Variants in RPS24 observed in about 807,000 individuals in gnomAD.
RPS24 encodes the protein small ribosomal subunit protein eS24.
For synonymous variants in RPS24, 72 were observed against 55.6 expected (o/e 1.30, Z -1.31); for missense variants, 100 against 162.5 (o/e 0.62, Z 2.09).
intron 4 of RPS24, among the ~76,000 whole-genome samples, chr10:78,046,309 G>C (rs926671048): frequency 1.3e-5 from 2 of 150,468 alleles, no homozygotes; most frequent in African/African-American, 4.9e-5. Context: ...CATGTGCCAG[G>C]TACTGAGCTA....
downstream of RPS24, among the ~76,000 whole-genome samples, chr10:78,041,632 C>G (rs1195433300): frequency 1.3e-5 from 2 of 152,066 alleles, no homozygotes; most frequent in African/African-American, 4.8e-5. Context: ...GATGCAGTTT[C>G]CTGTGACTGA....
intron 4 of RPS24, among the ~76,000 whole-genome samples, chr10:78,047,354 CAG>C (rs1204795420): frequency 6.6e-6 from 1 of 152,106 alleles, no homozygotes; most frequent in Non-Finnish European, 1.5e-5. Context: ...GAGGATATTC[CAG>C]AGGGGGACAG....
chr10:78,054,719 C>T (rs575263273), exon 5 of RPS24: 27 of 1,551,624 alleles, frequency 1.7e-5, no homozygotes, highest in East Asian at 1.2e-4. Context: ...TACAGGTGGC[C>T]GTTACCTGGA....
chr10:78,037,743 C>T (rs1847904063), intron 4 of RPS24: 1 of 350,470 alleles, frequency 2.9e-6, no homozygotes, highest in Non-Finnish European at 5.4e-6. Context: ...ACTGAGATCT[C>T]AGGATTGCTT....
At chr10:78,045,953 G>C (rs1308426986) in intron 4 of RPS24, among the ~76,000 whole-genome samples, 2 of 152,118 alleles carry the variant, frequency 1.3e-5, no homozygotes, top group Non-Finnish European at 2.9e-5. Flanking sequence ...AGTGAGCCGA[G>C]ACCATGCCAC....
intron 4 of RPS24, among the ~76,000 whole-genome samples, chr10:78,048,633 T>C (rs1848068641): frequency 6.6e-6 from 1 of 151,434 alleles, no homozygotes; most frequent in African/African-American, 2.4e-5. Flanking sequence ...TGTAATCACG[T>C]TGGGAGGCCA....
At chr10:78,034,079 G>T in intron 1 of RPS24, 175 bp downstream of exon 1, 1 of 784,284 alleles carries the variant, frequency 1.3e-6, no homozygotes, top group Non-Finnish European at 2.2e-6. Flanking sequence ...CCGGGCTGGC[G>T]GGCTGCGCTG....
At chr10:78,045,525 A>T (rs952371429), downstream of RPS24, among the ~76,000 whole-genome samples, 4 of 151,684 alleles carry the variant, frequency 2.6e-5, no homozygotes, top group African/African-American at 9.7e-5. Flanking sequence ...TTTGTCACCC[A>T]GGCTGGGGTG....
intron 4 of RPS24, among the ~76,000 whole-genome samples, chr10:78,047,454 G>C (rs1848056708): frequency 6.6e-6 from 1 of 152,158 alleles, no homozygotes; most frequent in Non-Finnish European, 1.5e-5. Flanking sequence ...GCACTATGCA[G>C]ACTCCCACAA....
At chr10:78,047,849 T>C (rs1212940710) in intron 4 of RPS24, among the ~76,000 whole-genome samples, 3 of 152,238 alleles carry the variant, frequency 2.0e-5, no homozygotes, top group African/African-American at 7.2e-5. Context: ...CCTACAGTGC[T>C]ATGCCTCTGT....
At chr10:78,042,435 T>G (rs1847996171), downstream of RPS24, among the ~76,000 whole-genome samples, 1 of 152,188 alleles carries the variant, frequency 6.6e-6, no homozygotes, top group Admixed American at 6.5e-5. Context: ...ATTTTGAGGC[T>G]GAGGATGTAA....
rs749906365 is a variant in RPS24 at position 78,049,823 on chromosome 10, C to T, written c.391-4708C>T. Among the ~76,000 whole-genome samples, 12 of 152,300 alleles carry T rather than the reference C, an allele frequency of 7.9e-5. No individual in the cohort carries two copies. In the East Asian group the frequency reaches 9.7e-4, roughly 12 times the overall value. On this transcript the variant is annotated intron_variant, in intron 4 of 4. Coordinates refer to the RPS24 transcript ENST00000440692. ...TGTGTTTTTTCTGCTCCTCTTCCAT[C>T]GGCTGGGACTTAGTCTCCTGCAACA...
intron 4 of RPS24, among the ~76,000 whole-genome samples, chr10:78,046,756 A>G (rs1294022450): frequency 6.6e-6 from 1 of 152,214 alleles, no homozygotes; most frequent in Admixed American, 6.5e-5. Context: ...TTACACAACT[A>G]TGGCATCCTA....
In RPS24 at chr10:78,035,441, T is replaced by G. The variant is rs750625648; in HGVS notation, c.69+24T>G. ...TGGTAAGGAAGGGCACATCAATCTT[T>G]GCTTAATTGTCCTTTACTCTAAAGA... On this transcript the variant is annotated intron_variant, in intron 2 of 5. Transcript: ENST00000372360. The G allele has an allele frequency of 3.1e-6, 5 of 1,613,530 alleles. No homozygotes were observed. In the African/African-American group the frequency reaches 4.0e-5, roughly 13 times the overall value.
At chr10:78,046,920 C>T (rs1848049089) in intron 4 of RPS24, among the ~76,000 whole-genome samples, 1 of 151,976 alleles carries the variant, frequency 6.6e-6, no homozygotes, top group Admixed American at 6.5e-5. Context: ...GCTAGAAATT[C>T]AATTTCTTGG....
chr10:78,051,024 CTACT>C (rs1207261020), intron 4 of RPS24, among the ~76,000 whole-genome samples: 5 of 152,146 alleles, frequency 3.3e-5, no homozygotes, highest in Non-Finnish European at 7.3e-5. Context: ...AACCCTGTCT[CTACT>C]AAAAATAAAA....
At chr10:78,043,881 C>T (rs1246574402), downstream of RPS24, among the ~76,000 whole-genome samples, 5 of 152,024 alleles carry the variant, frequency 3.3e-5, no homozygotes, top group Non-Finnish European at 7.4e-5. Flanking sequence ...CTGGGATCAC[C>T]CAAAAGTGAT....
intron 5 of RPS24, 159 bp from the exon 6 acceptor site, chr10:78,040,452 TTTTA>T (rs779912313): frequency 2.7e-6 from 2 of 730,178 alleles, no homozygotes; most frequent in Non-Finnish European, 4.7e-6. Context: ...TGTTTGTAAA[TTTTA>T]TTTCTTGATG....
intron 4 of RPS24, chr10:78,038,084 G>A (rs894197972): frequency 1.5e-5 from 10 of 677,254 alleles, no homozygotes; most frequent in South Asian, 1.0e-4. Context: ...TTATAGTATG[G>A]TCGATTATAA....
Sources: gnomAD v4.1 joint callset for allele counts (sites outside exome capture counted in the v4.1 genomes callset) on GRCh38, gnomAD v4.1.1 for gene constraint, MANE v1.5 for transcripts, NCBI Gene and HGNC (gene_info 2026-07-23, HGNC 2026-07-21) for gene names.